NID1: variants seen among roughly 807,000 people sequenced by gnomAD.
NID1 encodes the protein nidogen-1.
NID1 carries 76 observed loss-of-function variants against 130.6 expected under a neutral mutation model. The observed-to-expected ratio is 0.58, with a 90% confidence interval of 0.48 to 0.70. The LOEUF (loss-of-function observed/expected upper bound fraction) is 0.70, where lower values mean the gene tolerates loss of function less well. NID1 is among the 30% of genes least tolerant of loss of function. The probability of loss-of-function intolerance (pLI) is 0.00; values close to 1 mark genes in which losing one functional copy is unlikely to be tolerated. For synonymous variants in NID1, 665 were observed against 675.1 expected (o/e 0.98, Z 0.23); for missense variants, 1,517 against 1,664.8 (o/e 0.91, Z 1.54).
rs750322330 is a variant in NID1 at position 236,041,956 on chromosome 1, C to A, written c.1089G>T (p.Gln363His). The change falls in exon 4 of 20, where the codon CAG becomes CAT. Residue 363 changes from glutamine to histidine, a missense_variant. Physicochemically the swap from Gln to His is conservative, Grantham distance 24. This residue lies in a region of NID1 where 1,329 missense variants were observed against 1,429.2 expected (regional missense o/e 0.93). Coordinates refer to ENST00000264187, the MANE Select transcript of NID1 (RefSeq NM_002508.3). ...CATCCACATCTATGACCTGAGGGTG[C>A]TGCTGGTGAAAAGTCTCCACTGCCA... ...FQLAVETFHQ[Q>H]HPQVIDVDEV... The A allele has an allele frequency of 2.9e-5, 46 of 1,613,826 alleles. No homozygotes were observed. The Admixed American group carries it at 7.5e-4, about 26-fold the overall frequency.
chr1:236,041,974 C>T lies in NID1; in HGVS notation c.1071G>A (p.Val357=), dbSNP rs373886966. Residue 357 remains valine (V), a synonymous_variant, in exon 4 of 20, where the codon GTG becomes GTA. Transcript: ENST00000264187. ...TERTRSFQLA[V]ETFHQQHPQV... is the part of the protein sequence containing the mutation. ...GAGGGTGCTGCTGGTGAAAAGTCTCCACTGCCAACTGGAAAGACCTGGTTC... is the reference window on the plus strand; with the variant it reads ...GAGGGTGCTGCTGGTGAAAAGTCTCTACTGCCAACTGGAAAGACCTGGTTC... 7 of 1,613,992 alleles carry T rather than the reference C, an allele frequency of 4.3e-6. No individual in the cohort carries two copies. The African/African-American group carries it at 6.7e-5, about 15-fold the overall frequency.
At position 235,977,813 on chromosome 1, in the gene NID1, T is replaced by G; in HGVS notation, c.*54A>C. ...ACTTTTCAATCTGGACCAAGTTGCT[T>G]CAAGTAGAGTGTTGCTGTGAAATAC... On this transcript the variant is annotated 3_prime_UTR_variant, in exon 20 of 20. Coordinates refer to ENST00000264187, the MANE Select transcript of NID1 (RefSeq NM_002508.3). 6.3e-7 allele frequency: 1 copy of G among 1,597,516 alleles called. No individual in the cohort carries two copies.
In NID1 at chr1:236,042,039, G is replaced by C; in HGVS notation, c.1006C>G (p.Arg336Gly). 2 of 1,614,192 alleles carry C rather than the reference G, an allele frequency of 1.2e-6. No homozygotes were observed. The highest frequency in any genetic ancestry group is 1.7e-6 in the Non-Finnish European group (2 of 1,180,046). The change falls in exon 4 of 20, where the codon CGG becomes GGG. Residue 336 changes from arginine to glycine, a missense_variant. Arg to Gly is a moderately radical substitution (Grantham distance 125, BLOSUM62 -2). Transcript: ENST00000264187. ...YSVPSVLSPR[R>G]AATERPLGPP... ...CCAAGGGGCCTTTCGGTAGCTGCCC[G>C]GCGCGGGGAGAGGACGCTGGGCACA...
intron 12 of NID1, among the ~76,000 whole-genome samples, chr1:236,003,764 G>C (rs941261342): frequency 6.6e-6 from 1 of 152,190 alleles, no homozygotes; most frequent in Non-Finnish European, 1.5e-5. Context: ...CAGCTACTCA[G>C]GAGGCTGAGG....
rs573707749 is a variant in NID1, at chr1:236,041,131, G to A, written c.1135+779C>T. ...TTGCCAGGCTGGAGTGCAGTGGCATGATCTCGGCTCACTGCAACCTCTGCC... is the reference window on the plus strand; with the variant it reads ...TTGCCAGGCTGGAGTGCAGTGGCATAATCTCGGCTCACTGCAACCTCTGCC... On this transcript the variant is annotated intron_variant, in intron 4 of 19. Coordinates refer to ENST00000264187, the MANE Select transcript of NID1 (RefSeq NM_002508.3). Among the ~76,000 whole-genome samples the A allele has an allele frequency of 2.0e-5, 3 of 152,162 alleles. No homozygotes were observed. In the South Asian group the frequency reaches 6.2e-4, roughly 32 times the overall value.
At chr1:236,033,111 C>T (rs1482657222) in intron 5 of NID1, among the ~76,000 whole-genome samples, 1 of 152,150 alleles carries the variant, frequency 6.6e-6, no homozygotes, top group Non-Finnish European at 1.5e-5. Context: ...AGTTCAAGAC[C>T]AGCCTGGCCA....
chr1:236,059,711 C>G (rs1190500821), intron 1 of NID1, among the ~76,000 whole-genome samples: 1 of 152,062 alleles, frequency 6.6e-6, no homozygotes, highest in Non-Finnish European at 1.5e-5. Context: ...AAAGGGGTCC[C>G]GATCCAGACC....
intron 1 of NID1, among the ~76,000 whole-genome samples, chr1:236,049,914 A>G (rs1274060280): frequency 2.6e-5 from 4 of 152,016 alleles, no homozygotes; most frequent in South Asian, 4.1e-4. Flanking sequence ...GGCGGGCACC[A>G]AATCCCAGCT....
chr1:236,039,494 C>T (rs965683122), intron 4 of NID1, among the ~76,000 whole-genome samples: 1 of 152,070 alleles, frequency 6.6e-6, no homozygotes, highest in Non-Finnish European at 1.5e-5. Flanking sequence ...GCCCTAGTCA[C>T]ACCTGGGCTA....
rs1558434339 is a variant in NID1, at chr1:236,017,203, G to A, written c.2199C>T (p.Thr733=). 6.2e-7 allele frequency: 1 copy of A among 1,614,142 alleles called. No homozygotes were observed. The highest frequency in any genetic ancestry group is 8.5e-7 in the Non-Finnish European group (1 of 1,180,020). The change falls in exon 10 of 20, where the codon ACC becomes ACT. Residue 733 remains threonine, a synonymous_variant. Coordinates refer to ENST00000264187, the MANE Select transcript of NID1 (RefSeq NM_002508.3). ...SHTICNNHPG[T]FRCECVEGYQ... Reference sequence around the variant, plus strand: ...AGCCCTCCACACACTCGCAGCGGAAGGTTCCTGGGTGATTATTGCAGATTG... The same window carrying A: ...AGCCCTCCACACACTCGCAGCGGAAAGTTCCTGGGTGATTATTGCAGATTG...
intron 14 of NID1, among the ~76,000 whole-genome samples, chr1:235,988,930 G>C (rs1376281956): frequency 6.6e-6 from 1 of 152,096 alleles, no homozygotes; most frequent in Admixed American, 6.5e-5. Flanking sequence ...AAAAGTTCTG[G>C]AGATGAATGG....
intron 17 of NID1, 100 bp from the exon 18 acceptor site, chr1:235,980,045 G>T (rs1657392930): frequency 7.5e-7 from 1 of 1,330,976 alleles, no homozygotes; most frequent in Non-Finnish European, 1.1e-6. Context: ...GAGAAATTAA[G>T]CATTACAATG....
rs10927256 is a variant in NID1, at chr1:236,017,071, C to G, written c.2254+77G>C. ...TCCAACTTGACCAGACTCATTTTACCTGGGACCAGAACTTTTGCATAAGAG... is the reference window on the plus strand; with the variant it reads ...TCCAACTTGACCAGACTCATTTTACGTGGGACCAGAACTTTTGCATAAGAG... On this transcript the variant is annotated intron_variant, in intron 10 of 19. Transcript: ENST00000264187. 2.0e-4 allele frequency: 319 copies of G among 1,595,994 alleles called. No individual in the cohort carries two copies. The African/African-American group carries it at 4.0e-3, about 20-fold the overall frequency.
intron 7 of NID1, among the ~76,000 whole-genome samples, chr1:236,026,885 T>C (rs1325263648): frequency 1.3e-5 from 2 of 152,068 alleles, no homozygotes; most frequent in Admixed American, 1.3e-4. Flanking sequence ...ACTACAGGCA[T>C]GTGCTATCAC....
intron 5 of NID1, among the ~76,000 whole-genome samples, chr1:236,037,470 C>A (rs1291652385): frequency 1.3e-5 from 2 of 152,072 alleles, no homozygotes; most frequent in Non-Finnish European, 2.9e-5. Flanking sequence ...CCAGTCTGGC[C>A]AACATGGAGA....
In NID1 at chr1:235,977,960, G is replaced by A. The variant is rs373795201; in HGVS notation, c.3651C>T (p.Gly1217=). 9.8e-5 allele frequency: 158 copies of A among 1,614,072 alleles called. No homozygotes were observed. Among genetic ancestry groups the A allele is most frequent in the South Asian group, 3.2e-4 (29 of 91,076 alleles). The change falls in exon 20 of 20, where the codon GGC becomes GGT. Residue 1217 remains glycine (G), a synonymous_variant. Coordinates refer to ENST00000264187, the MANE Select transcript of NID1 (RefSeq NM_002508.3). ...QGHNYCSVNN[G]GCTHLCLATP... Reference sequence around the variant, plus strand: ...TGGCCAAGCATAGGTGGGTGCAGCCGCCATTGTTCACTGAGCAGTAGTTAT... The same window carrying A: ...TGGCCAAGCATAGGTGGGTGCAGCCACCATTGTTCACTGAGCAGTAGTTAT...
At chr1:236,002,250 C>T (rs1252321188) in intron 12 of NID1, among the ~76,000 whole-genome samples, 1 of 152,152 alleles carries the variant, frequency 6.6e-6, no homozygotes, top group Non-Finnish European at 1.5e-5. Flanking sequence ...CGCCTGTAAT[C>T]CCAGCACTCT....
intron 3 of NID1, among the ~76,000 whole-genome samples, chr1:236,045,061 T>C (rs916816670): frequency 1.4e-4 from 21 of 151,978 alleles, no homozygotes; most frequent in Non-Finnish European, 1.5e-5. Flanking sequence ...TAGCTGGGCA[T>C]GGTGGCACAC....
chr1:235,981,721 G>A lies in NID1; in HGVS notation c.3117C>T (p.Asp1039=). 1 of 1,614,242 alleles carries A rather than the reference G, an allele frequency of 6.2e-7. No individual in the cohort carries two copies. Among genetic ancestry groups the A allele is most frequent in the Non-Finnish European group, 8.5e-7 (1 of 1,180,042 alleles). The stretch of plus-strand genomic sequence containing the variant: ...CCACTTCTATTCGATCCAGGTTAGA[G>A]TCTGTCCAGAAGATGTTGCGGCCAA... ...DHLGRNIFWT[D]SNLDRIEVAK... The change falls in exon 16 of 20, where the codon GAC becomes GAT. Residue 1039 remains aspartate, a synonymous_variant. Coordinates refer to ENST00000264187, the MANE Select transcript of NID1 (RefSeq NM_002508.3).
Sources: allele counts gnomAD v4.1 joint callset (sites outside exome capture counted in the v4.1 genomes callset), GRCh38; gene constraint gnomAD v4.1.1; regional missense constraint gnomAD v4.1.1; transcripts MANE v1.5; gene names NCBI Gene and HGNC (gene_info 2026-07-23, HGNC 2026-07-21).